The following DUSP16 variants were observed in gnomAD, a reference collection of about 807,000 sequenced individuals.
The protein encoded by DUSP16 is dual specificity protein phosphatase 16.
A neutral mutation model predicts 58.3 loss-of-function variants in DUSP16; 21 were observed. The observed-to-expected ratio is 0.36, with a 90% CI of 0.26 to 0.52. The LOEUF (loss-of-function observed/expected upper bound fraction) is 0.52. DUSP16 is among the 20% of genes least tolerant of loss of function. The pLI is 0.94. For synonymous variants in DUSP16, 320 were observed against 323.8 expected, an observed-to-expected ratio of 0.99 and a Z score of 0.12; for missense variants, 726 against 819.0, an observed-to-expected ratio of 0.89 and a Z score of 1.39.
rs567969476 is a variant in DUSP16, at chr12:12,494,213, G to C, written c.531+6306C>G. 4.6e-5 allele frequency among the ~76,000 whole-genome samples: 7 copies of C among 152,148 alleles called. No homozygotes were observed. The South Asian group carries it at 1.5e-3, about 32-fold the overall frequency. On this transcript the variant is annotated intron_variant, in intron 4 of 6. Transcript: ENST00000298573. The stretch of plus-strand genomic sequence containing the variant: ...TAATTTAAAAAAGACTGTTTTTCCT[G>C]GGTTGAAAATTTTAGATTCTCAAAT...
rs756634635 is a variant in DUSP16, at chr12:12,474,746, G to A, written c.*2087C>T. 4.6e-5 allele frequency: 7 copies of A among 152,192 alleles called. No homozygotes were observed. Among genetic ancestry groups the A allele is most frequent in the Admixed American group, 1.3e-4 (2 of 15,278 alleles). 9.4% of individuals were successfully genotyped at this position (152,192 alleles called of 1,614,324 possible). A position where few individuals can be genotyped will look rare whatever the true frequency, so the allele number is the denominator to read the frequency against. ...AGTCCCCCAAACCTCCTGAAACATC[G>A]TTAGCAAGGAGCTACTGCTTTCCTT... On this transcript the variant is annotated 3_prime_UTR_variant, in exon 7 of 7. Transcript: ENST00000298573.
chr12:12,480,204 G>C lies in DUSP16; in HGVS notation c.815+19C>G. On this transcript the variant is annotated intron_variant, in intron 6 of 6. Transcript: ENST00000298573. The stretch of plus-strand genomic sequence containing the variant: ...GTCAAATGAAAAGCCAATCACAGAA[G>C]ACATTTTCCTGCCCTCACCTGTAAG... The C allele has an allele frequency of 6.2e-7, 1 of 1,610,210 alleles. No homozygotes were observed. The highest frequency in any genetic ancestry group is 8.5e-7 in the Non-Finnish European group (1 of 1,177,966).
chr12:12,560,222 G>C (rs1007769088), intron 1 of DUSP16, among the ~76,000 whole-genome samples: 1 of 151,824 alleles, frequency 6.6e-6, no homozygotes, highest in Non-Finnish European at 1.5e-5. Context: ...TGATATAGCA[G>C]AGGTTAATAC....
chr12:12,483,267 AAGG>A (rs1265373338), intron 5 of DUSP16, among the ~76,000 whole-genome samples: 11 of 152,216 alleles, frequency 7.2e-5, no homozygotes, highest in African/African-American at 2.2e-4. Flanking sequence ...GGACAGAAAA[AAGG>A]AGGAACTTCA....
rs5796493 is a variant in DUSP16, at chr12:12,474,669, AG to A, written c.*2163del. The A allele has an allele frequency of 0.91, 138,616 of 152,218 alleles. 63,721 individuals carry two copies. Among genetic ancestry groups the A allele is most frequent in the Non-Finnish European group, 0.98 (66,793 of 68,034 alleles). 9.4% of individuals were successfully genotyped at this position (152,218 alleles called of 1,614,324 possible). A position where few individuals can be genotyped will look rare whatever the true frequency, so the allele number is the denominator to read the frequency against. ...TGACTACATCACAGTTCCAGAAGGA[AG>A]GGGGACCATGGCCAAGAGAAGCCCT... On this transcript the variant is annotated 3_prime_UTR_variant, in exon 7 of 7. Transcript: ENST00000298573.
chr12:12,503,978 A>T (rs1943949135), intron 3 of DUSP16, among the ~76,000 whole-genome samples: 2 of 152,238 alleles, frequency 1.3e-5, no homozygotes, highest in African/African-American at 2.4e-5. Context: ...TCTCAAAAAA[A>T]GGGGGTCAGC....
intron 4 of DUSP16, among the ~76,000 whole-genome samples, chr12:12,500,285 T>C (rs191484758): frequency 2.0e-5 from 3 of 152,318 alleles, no homozygotes; most frequent in African/African-American, 7.2e-5. Context: ...TCAGTTCTCT[T>C]GGACCTATTA....
Position 12,477,578 on chromosome 12 carries a change from T to A in DUSP16, c.1253A>T (p.His418Leu), listed in dbSNP as rs1196271460. Residue 418 changes from histidine (H) to leucine (L), a missense_variant, in exon 7 of 7, where the codon CAT becomes CTT. Transcript: ENST00000298573. The surrounding 1 kb of genome is among the most constrained non-coding windows in gnomAD (Gnocchi z 4.1). ...AGCATCTTCTGATGAGGAGAAGCCA[T>A]GTAAGGATGCTGCCATGCTGGCTGA... ...SYSASMAASL[H>L]GFSSSEDALE... 1.2e-6 allele frequency: 2 copies of A among 1,613,882 alleles called. No individual in the cohort carries two copies. Among genetic ancestry groups the A allele is most frequent in the African/African-American group, 2.7e-5 (2 of 74,928 alleles).
intron 1 of DUSP16, among the ~76,000 whole-genome samples, chr12:12,537,581 T>C (rs1275722874): frequency 1.3e-5 from 2 of 152,248 alleles, no homozygotes; most frequent in Non-Finnish European, 2.9e-5. Flanking sequence ...AGAAACTCAA[T>C]GGCTAAATGC....
At chr12:12,480,121 A>G in intron 6 of DUSP16, 102 bp downstream of exon 6, 2 of 1,459,332 alleles carry the variant, frequency 1.4e-6, no homozygotes, top group Non-Finnish European at 1.9e-6. Flanking sequence ...AATGTGACTA[A>G]AATAATCATG....
chr12:12,540,242 G>A (rs935958434), intron 1 of DUSP16, among the ~76,000 whole-genome samples: 1 of 151,982 alleles, frequency 6.6e-6, no homozygotes, highest in Non-Finnish European at 1.5e-5. Context: ...CAAGGCTACT[G>A]GGGAGCTTGA....
In DUSP16 at chr12:12,473,367, G is replaced by T. The variant is rs373841597; in HGVS notation, c.*3466C>A. Among the ~76,000 whole-genome samples, 14 of 152,256 alleles carry T rather than the reference G, an allele frequency of 9.2e-5. No homozygotes were observed. In the South Asian group the frequency reaches 1.7e-3, roughly 18 times the overall value. On this transcript the variant is annotated 3_prime_UTR_variant, in exon 7 of 7. Transcript: ENST00000298573. The stretch of plus-strand genomic sequence containing the variant: ...CTGAGGCTGGTCATGAAGGGGCTCC[G>T]AGCACTGTCAGCAACTGGCCTGAAC...
chr12:12,530,254 G>A (rs938768541), intron 1 of DUSP16, among the ~76,000 whole-genome samples: 1 of 152,166 alleles, frequency 6.6e-6, no homozygotes, highest in African/African-American at 2.4e-5. Flanking sequence ...GCATTTCTCT[G>A]ATGATGAGTG....
At position 12,477,802 on chromosome 12, in the gene DUSP16, G is replaced by A. The variant is rs144222400; in HGVS notation, c.1029C>T (p.Asp343=). The change falls in exon 7 of 7, where the codon GAC becomes GAT. Residue 343 remains aspartate, a synonymous_variant. Coordinates refer to ENST00000298573, the MANE Select transcript of DUSP16 (RefSeq NM_030640.3). This position sits in a 1 kb window ranked among gnomAD's most constrained non-coding sequence, Gnocchi z 4.1. ...SETPLSPPCA[D]SATSEAAGQR... ...GTCCTGCTGCCTCTGAGGTAGCAGA[G>A]TCGGCACAGGGTGGACTGAGGGGCG... is the stretch of plus-strand genomic sequence containing the variant. 913 of 1,614,046 alleles carry A rather than the reference G, an allele frequency of 5.7e-4. 2 individuals are homozygous for A. In the African/African-American group the frequency reaches 0.011, roughly 20 times the overall value.
chr12:12,489,949 ACTGT>A (rs1450542012), intron 4 of DUSP16, among the ~76,000 whole-genome samples: 1 of 152,216 alleles, frequency 6.6e-6, no homozygotes, highest in Non-Finnish European at 1.5e-5. Context: ...ATTTAAATGG[ACTGT>A]CTCATTTAAT....
At chr12:12,517,514 T>C (rs985902338) in intron 3 of DUSP16, among the ~76,000 whole-genome samples, 3 of 152,190 alleles carry the variant, frequency 2.0e-5, no homozygotes, top group African/African-American at 4.8e-5. Context: ...AATAAAACAG[T>C]TTCCCAAGAA....
intron 3 of DUSP16, among the ~76,000 whole-genome samples, chr12:12,507,873 C>CGCTGGGATTACAG (rs1435279078): frequency 6.6e-6 from 1 of 152,198 alleles, no homozygotes; most frequent in Non-Finnish European, 1.5e-5. Flanking sequence ...CCTCCCAAAG[C>CGCTGGGATTACAG]GCTGGGATTA....
Position 12,523,744 on chromosome 12 carries a change from G to A in DUSP16, c.-365-2281C>T, listed in dbSNP as rs76096942. On this transcript the variant is annotated intron_variant, in intron 1 of 6. Transcript: ENST00000298573. Reference sequence around the variant, plus strand: ...CTCAATCAGGTTCTGCCTGCTCAGTGACAGAGTTCACGGCAATGTAAGGTC... The same window carrying A: ...CTCAATCAGGTTCTGCCTGCTCAGTAACAGAGTTCACGGCAATGTAAGGTC... Among the ~76,000 whole-genome samples, 697 of 152,298 alleles carry A rather than the reference G, an allele frequency of 4.6e-3. 5 individuals carry two copies. Among genetic ancestry groups the A allele is most frequent in the African/African-American group, 0.016 (648 of 41,568 alleles).
chr12:12,548,206 T>C (rs1326723109), intron 1 of DUSP16, among the ~76,000 whole-genome samples: 2 of 152,008 alleles, frequency 1.3e-5, no homozygotes, highest in East Asian at 3.9e-4. Flanking sequence ...GGCAAAGGAC[T>C]GGAATAAACA....
Sources: gnomAD v4.1 joint callset for allele counts (sites outside exome capture counted in the v4.1 genomes callset) on GRCh38, gnomAD v4.1.1 for gene constraint, Gnocchi (gnomAD v3.1) non-coding constraint, MANE v1.5 for transcripts, NCBI Gene and HGNC (gene_info 2026-07-23, HGNC 2026-07-21) for gene names.